Variants in COPA observed in about 807,000 individuals in gnomAD.
COPA encodes coatomer subunit alpha.
In COPA, 10 loss-of-function variants were observed where a neutral mutation model predicts 158.7. The observed-to-expected ratio is 0.06, with a 90% CI of 0.04 to 0.11. The LOEUF is 0.11. Ranked by LOEUF, COPA falls within the 10% of genes least tolerant of loss-of-function variation. COPA has a pLI of 1.00. For synonymous variants in COPA, 462 were observed against 542.8 expected, an observed-to-expected ratio of 0.85 and a Z score of 2.07; for missense variants, 1,065 against 1,536.7, an observed-to-expected ratio of 0.69 and a Z score of 5.13.
At position 160,299,188 on chromosome 1, in the gene COPA, C is replaced by G. The variant is rs1658514054; in HGVS notation, c.1744G>C (p.Asp582His). 1.2e-6 allele frequency: 2 copies of G among 1,614,178 alleles called. No homozygotes were observed. Among genetic ancestry groups the G allele is most frequent in the Non-Finnish European group, 1.7e-6 (2 of 1,180,030 alleles). The change falls in exon 18 of 33, where the codon GAC (aspartate) becomes CAC (histidine). Residue 582 changes from aspartate (D) to histidine (H), a missense_variant. Asp to His is a moderately conservative substitution (Grantham distance 81, BLOSUM62 -1). Coordinates refer to ENST00000241704, the MANE Select transcript of COPA (RefSeq NM_004371.4). ...AGTACCCGGGGACGACACTCCCTGT[C>G]TAGGCAGTATACATTGTTGCCCTTC... ...RVKGNNVYCL[D>H]RECRPRVLTI...
intron 8 of COPA, among the ~76,000 whole-genome samples, chr1:160,315,119 A>G (rs1162161705): frequency 6.6e-6 from 1 of 152,124 alleles, no homozygotes; most frequent in Non-Finnish European, 1.5e-5. Flanking sequence ...GAGATGAAAA[A>G]ACTCTGAGCA....
At chr1:160,318,827 ATTTT>A (rs934426687) in intron 8 of COPA, among the ~76,000 whole-genome samples, 1 of 149,488 alleles carries the variant, frequency 6.7e-6, no homozygotes, top group South Asian at 2.1e-4. Flanking sequence ...TATCTATAAG[ATTTT>A]TTTTTGTGAA....
intron 4 of COPA, among the ~76,000 whole-genome samples, chr1:160,334,605 CTTAA>C (rs1436949295): frequency 6.6e-6 from 1 of 152,076 alleles, no homozygotes; most frequent in Non-Finnish European, 1.5e-5. Flanking sequence ...TTCTTTCTAA[CTTAA>C]TTAAAGAGAC....
chr1:160,310,370 T>A, intron 11 of COPA, 112 bp from the exon 12 acceptor site: 2 of 517,266 alleles, frequency 3.9e-6, no homozygotes, highest in Admixed American at 3.4e-5. Flanking sequence ...TATATACTCA[T>A]CACTTTTATA....
chr1:160,295,682 A>T, intron 23 of COPA, 54 bp downstream of exon 23: 1 of 1,535,966 alleles, frequency 6.5e-7, no homozygotes, highest in South Asian at 1.3e-5. Context: ...ATTCTCTAGG[A>T]CAGTTCTTCA....
intron 3 of COPA, among the ~76,000 whole-genome samples, chr1:160,339,037 C>G (rs558320629): frequency 7.1e-6 from 1 of 141,438 alleles, no homozygotes; most frequent in Non-Finnish European, 1.5e-5. Context: ...CTATCTCCTC[C>G]TGATTTTCCT....
In COPA at chr1:160,291,347, C is replaced by A; in HGVS notation, c.3408G>T (p.Glu1136Asp). 1 of 1,613,680 alleles carries A rather than the reference C, an allele frequency of 6.2e-7. No homozygotes were observed. Among genetic ancestry groups the A allele is most frequent in the Admixed American group, 1.7e-5 (1 of 60,020 alleles). Residue 1136 changes from glutamate to aspartate, a missense_variant, in exon 31 of 33, where the codon GAG becomes GAT. This residue lies in a region of COPA where 980 missense variants were observed against 1,357.8 expected (regional missense o/e 0.72). Transcript: ENST00000241704. ...GAGTTCCATCTACCTGTTGGGCCAC[C>A]TCAGGCTTGGGCCCGAGTTCTAGTA... is the stretch of plus-strand genomic sequence containing the variant. ...RRLLELGPKP[E>D]VAQQTRKILS...
chr1:160,327,814 C>T (rs1481838439), intron 6 of COPA, among the ~76,000 whole-genome samples: 6 of 152,102 alleles, frequency 3.9e-5, no homozygotes, highest in East Asian at 1.9e-4. Context: ...GCTGAGATCC[C>T]GCCACTGCAC....
intron 11 of COPA, chr1:160,310,515 G>T: frequency 3.7e-6 from 1 of 273,314 alleles, no homozygotes; most frequent in Non-Finnish European, 6.9e-6. Flanking sequence ...GGTAGGTAGG[G>T]TTAACACTCA....
Position 160,290,112 on chromosome 1 carries a change from C to A in COPA, c.*45G>T. ...TAGAAGGAGGATATAGACACATTCT[C>A]TGGGGGGAACATATGGTGACTGACC... On this transcript the variant is annotated 3_prime_UTR_variant, in exon 33 of 33. Coordinates refer to ENST00000241704, the MANE Select transcript of COPA (RefSeq NM_004371.4). 2 of 1,586,228 alleles carry A rather than the reference C, an allele frequency of 1.3e-6. No homozygotes were observed. The highest frequency in any genetic ancestry group is 2.2e-5 in the East Asian group (1 of 44,690).
chr1:160,291,975 A>C, intron 29 of COPA, 37 bp downstream of exon 29: 1 of 1,614,184 alleles, frequency 6.2e-7, no homozygotes, highest in East Asian at 2.2e-5. Context: ...AGAATGTGGA[A>C]GTGCCCAGAA....
At chr1:160,319,524 A>G (rs1284877652) in intron 8 of COPA, among the ~76,000 whole-genome samples, 1 of 149,730 alleles carries the variant, frequency 6.7e-6, no homozygotes, top group East Asian at 1.9e-4. Flanking sequence ...ACTACATACT[A>G]GATCTAATAG....
intron 8 of COPA, among the ~76,000 whole-genome samples, chr1:160,323,175 A>C (rs184093614): frequency 7.9e-5 from 12 of 152,292 alleles, no homozygotes; most frequent in African/African-American, 2.2e-4. Context: ...ATTAAGATCG[A>C]GAGTAGAATG....
rs770890116 is a variant in COPA at position 160,294,606 on chromosome 1, T to C, written c.2567-13A>G. 24 of 1,613,720 alleles carry C rather than the reference T, an allele frequency of 1.5e-5. No individual in the cohort carries two copies. The highest frequency in any genetic ancestry group is 1.8e-5 in the Non-Finnish European group (21 of 1,179,830). On this transcript the variant is annotated splice_polypyrimidine_tract_variant and intron_variant, in intron 24 of 32. Transcript: ENST00000241704. ...TCCACAAACCCATCTGTAAGGAAAA[T>C]TCAAGCTCAAAACAGATTTGGGCAG...
intron 8 of COPA, among the ~76,000 whole-genome samples, chr1:160,318,468 T>TAAAAAAAAAAAAAAAAAAAAAAAAA (rs71090307): frequency 1.9e-4 from 3 of 15,676 alleles, no homozygotes; most frequent in Non-Finnish European, 2.6e-4. Context: ...ACAATATTTG[T>TAAAAAAAAAAAAAAAAAAAAAAAAA]AAAAAAAAAA....
intron 8 of COPA, among the ~76,000 whole-genome samples, chr1:160,317,970 T>C (rs1343818929): frequency 3.9e-5 from 6 of 152,162 alleles, no homozygotes; most frequent in African/African-American, 7.2e-5. Flanking sequence ...TTTCAGGACA[T>C]TGCATTTTCA....
At chr1:160,330,367 TG>T (rs1343864347) in intron 6 of COPA, among the ~76,000 whole-genome samples, 1 of 152,206 alleles carries the variant, frequency 6.6e-6, no homozygotes, top group Non-Finnish European at 1.5e-5. Context: ...TGGTCACATC[TG>T]GGTGTACTTC....
chr1:160,312,937 A>C, intron 10 of COPA, 148 bp downstream of exon 10: 1 of 674,238 alleles, frequency 1.5e-6, no homozygotes. Context: ...GAAGAAAAAA[A>C]GGAGAAAAGC....
rs567632760 is a variant in COPA, at chr1:160,330,129, A to C, written c.496+2319T>G. ...CTCTGTCCCCACCGCCACCCCCCCC[A>C]AAAAAAAATTGCCCCTGATCAGCTG... On this transcript the variant is annotated intron_variant, in intron 6 of 32. Transcript: ENST00000241704. 2.2e-3 allele frequency among the ~76,000 whole-genome samples: 309 copies of C among 142,726 alleles called. 3 individuals carry two copies. The East Asian group carries it at 0.037, about 17-fold the overall frequency. The allele number at this position is 142,726 out of a possible 152,430, so 93.6% of individuals were successfully genotyped here. A position where few individuals can be genotyped will look rare whatever the true frequency, so the allele number is the denominator to read the frequency against.
Sources: allele counts gnomAD v4.1 joint callset (sites outside exome capture counted in the v4.1 genomes callset), GRCh38; gene constraint gnomAD v4.1.1; regional missense constraint gnomAD v4.1.1; transcripts MANE v1.5; gene names NCBI Gene and HGNC (gene_info 2026-07-23, HGNC 2026-07-21).